PTPRD: variants seen among roughly 807,000 people sequenced by gnomAD.
PTPRD encodes protein tyrosine phosphatase receptor type D.
In PTPRD, 34 loss-of-function variants were observed where a neutral mutation model predicts 214.5. The observed-to-expected ratio is 0.16, with a 90% CI of 0.12 to 0.21. The LOEUF is 0.21. Ranked by LOEUF, PTPRD falls within the 10% of genes least tolerant of loss-of-function variation. The pLI is 1.00. For synonymous variants in PTPRD, 1,128 were observed against 845.7 expected (o/e 1.33, Z -5.79); for missense variants, 2,545 against 2,398.7 (o/e 1.06, Z -1.27).
intron 3 of PTPRD, among the ~76,000 whole-genome samples, chr9:10,297,314 A>G (rs1003478073): frequency 6.6e-6 from 1 of 151,908 alleles, no homozygotes; most frequent in Admixed American, 6.6e-5. Flanking sequence ...ATAAATAAAA[A>G]TAAATTACAA....
intron 10 of PTPRD, among the ~76,000 whole-genome samples, chr9:9,169,513 A>G (rs933512718): frequency 2.0e-5 from 3 of 152,188 alleles, no homozygotes; most frequent in Non-Finnish European, 2.9e-5. Context: ...TTCCAATTAA[A>G]AAATGAGGTA....
At chr9:8,735,863 G>C (rs927135469) in intron 11 of PTPRD, among the ~76,000 whole-genome samples, 1 of 150,026 alleles carries the variant, frequency 6.7e-6, no homozygotes, top group East Asian at 2.0e-4. Flanking sequence ...GGTGAGCCAA[G>C]GTCCTGCCAC....
intron 9 of PTPRD, among the ~76,000 whole-genome samples, chr9:9,195,389 C>G (rs890032114): frequency 1.3e-5 from 2 of 151,994 alleles, no homozygotes; most frequent in African/African-American, 4.8e-5. Context: ...GTGATAGAAA[C>G]TGTGTTCACT....
intron 3 of PTPRD, among the ~76,000 whole-genome samples, chr9:10,297,720 C>G (rs867367545): frequency 5.3e-5 from 8 of 151,952 alleles, no homozygotes; most frequent in Admixed American, 6.6e-5. Context: ...ATTCTTGGCT[C>G]TGTACTAAAA....
chr9:9,279,978 TTG>T (rs1947063804), intron 9 of PTPRD, among the ~76,000 whole-genome samples: 2 of 151,348 alleles, frequency 1.3e-5, no homozygotes, highest in African/African-American at 4.8e-5. Context: ...AAAAATTTAA[TTG>T]ACTGTTTCTA....
intron 3 of PTPRD, among the ~76,000 whole-genome samples, chr9:10,315,309 G>A (rs531914498): frequency 6.6e-5 from 10 of 151,752 alleles, no homozygotes; most frequent in Non-Finnish European, 1.2e-4. Context: ...TATAAAATAT[G>A]AGATATATCT....
intron 12 of PTPRD, among the ~76,000 whole-genome samples, chr9:8,694,990 C>T (rs1212726859): frequency 6.6e-6 from 1 of 152,124 alleles, no homozygotes; most frequent in Admixed American, 6.5e-5. Flanking sequence ...ATAAGGACAT[C>T]ATTCTGTCAC....
At chr9:9,057,938 T>C (rs760746570) in intron 10 of PTPRD, among the ~76,000 whole-genome samples, 9 of 152,184 alleles carry the variant, frequency 5.9e-5, no homozygotes, top group Non-Finnish European at 1.2e-4. Flanking sequence ...GCTACAATCA[T>C]TAAGAAGAAA....
chr9:8,645,602 T>A (rs1474114509), intron 12 of PTPRD, among the ~76,000 whole-genome samples: 1 of 151,994 alleles, frequency 6.6e-6, no homozygotes, highest in African/African-American at 2.4e-5. Flanking sequence ...TATCTAATTT[T>A]TCAAAGGGCT....
chr9:9,283,187 G>T (rs570527329), intron 9 of PTPRD, among the ~76,000 whole-genome samples: 1 of 151,408 alleles, frequency 6.6e-6, no homozygotes. Flanking sequence ...CTTGATCTAT[G>T]CTTTCTATGT....
At chr9:10,340,871 T>C (rs1248762126) in intron 3 of PTPRD, 92 bp downstream of exon 3, 2 of 151,974 alleles carry the variant, frequency 1.3e-5, no homozygotes, top group Non-Finnish European at 2.9e-5. Flanking sequence ...TTTCATGTTT[T>C]AAATATTATT....
At chr9:10,474,311 G>A (rs571308665) in intron 2 of PTPRD, among the ~76,000 whole-genome samples, 92 of 143,766 alleles carry the variant, frequency 6.4e-4, no homozygotes, top group Non-Finnish European at 6.4e-4. Flanking sequence ...ATGGAAAGCA[G>A]AAAAAAAAAA....
intron 9 of PTPRD, among the ~76,000 whole-genome samples, chr9:9,312,827 A>T (rs896200799): frequency 3.3e-5 from 5 of 152,224 alleles, no homozygotes; most frequent in Non-Finnish European, 7.3e-5. Flanking sequence ...TAAACAATGC[A>T]GCACAAAAGC....
intron 4 of PTPRD, among the ~76,000 whole-genome samples, chr9:9,958,743 G>T (rs891086655): frequency 6.6e-6 from 1 of 152,094 alleles, no homozygotes; most frequent in African/African-American, 2.4e-5. Flanking sequence ...AAGGTATCTG[G>T]ACAGATACTT....
At chr9:10,319,205 A>G (rs12005495) in intron 3 of PTPRD, among the ~76,000 whole-genome samples, 5,238 of 152,174 alleles carry the variant, frequency 0.034, 312 homozygotes, top group Admixed American at 0.16. Context: ...GCTGTAATGC[A>G]TTATTAATCA....
chr9:8,449,755 C>G lies in PTPRD; in HGVS notation c.3958G>C (p.Glu1320Gln), dbSNP rs2133460096. ...GTTTGAAAGTTAAGGCGCCTCAGTT[C>G]TACAGGGTCTGTTGGGTGGTGTGAA... is the stretch of plus-strand genomic sequence containing the variant. ...IPSHHPTDPV[E>Q]LRRLNFQTPG... The change falls in exon 34 of 46, where the codon GAA becomes CAA. Residue 1320 changes from glutamate (E) to glutamine (Q), a missense_variant. By Grantham distance (29) the Glu-to-Gln change is conservative. Transcript: ENST00000381196. The G allele has an allele frequency of 6.2e-7, 1 of 1,614,050 alleles. No individual in the cohort carries two copies. Among genetic ancestry groups the G allele is most frequent in the Non-Finnish European group, 8.5e-7 (1 of 1,179,942 alleles).
chr9:9,573,810 T>C (rs1395078349), intron 8 of PTPRD, among the ~76,000 whole-genome samples: 1 of 151,800 alleles, frequency 6.6e-6, no homozygotes, highest in African/African-American at 2.4e-5. Flanking sequence ...AGTGTTTCTT[T>C]AAAAAGTAAT....
At chr9:10,167,763 T>C (rs2099168382) in intron 3 of PTPRD, among the ~76,000 whole-genome samples, 1 of 152,172 alleles carries the variant, frequency 6.6e-6, no homozygotes, top group South Asian at 2.1e-4. Context: ...GAGTTGATAC[T>C]GTGTGATAGA....
chr9:9,760,854 C>T (rs2098648846), intron 6 of PTPRD, among the ~76,000 whole-genome samples: 1 of 152,092 alleles, frequency 6.6e-6, no homozygotes, highest in Non-Finnish European at 1.5e-5. Flanking sequence ...AATGAGATAT[C>T]AGTATATACC....
Sources: allele counts gnomAD v4.1 joint callset (sites outside exome capture counted in the v4.1 genomes callset), GRCh38; gene constraint gnomAD v4.1.1; transcripts MANE v1.5; gene names NCBI Gene and HGNC (gene_info 2026-07-23, HGNC 2026-07-21).